Variants in SNX13 observed in about 807,000 individuals in gnomAD.
SNX13 encodes the protein sorting nexin-13.
Under a neutral mutation model 133.6 loss-of-function variants are expected in SNX13, and 45 were observed. The ratio of observed to expected loss-of-function variants is 0.34; its 90% CI spans 0.27 to 0.43. SNX13 has a LOEUF of 0.43. Among genes scored for constraint, SNX13 ranks in the 20% least tolerant of loss-of-function variants. SNX13 has a pLI of 1.00. For missense variants in SNX13, 1,032 were observed against 1,145.1 expected (o/e 0.90, Z 1.43); for synonymous variants, 414 against 373.9 (o/e 1.11, Z -1.24).
At chr7:17,882,924 C>G in intron 5 of SNX13, 4 of 925,184 alleles carry the variant, frequency 4.3e-6, no homozygotes, top group Non-Finnish European at 5.9e-6. Flanking sequence ...GTACTCCAGC[C>G]TGGGCGACAG....
rs528487164 is a variant in SNX13 at position 17,816,042 on chromosome 7, ATT to A, written c.1953+138_1953+139del. 207 of 879,094 alleles carry A rather than the reference ATT, an allele frequency of 2.4e-4. No homozygotes were observed. The African/African-American group carries it at 3.4e-3, about 14-fold the overall frequency. 54.5% of individuals were successfully genotyped at this position (879,094 alleles called of 1,614,324 possible). ...AATTACTAAGCAGACTGCACGTCACATTTGACATGCTGCACAAAAGTGGTTGC... is the reference window on the plus strand; with the variant it reads ...AATTACTAAGCAGACTGCACGTCACATGACATGCTGCACAAAAGTGGTTGC... On this transcript the variant is annotated intron_variant, in intron 19 of 25. Transcript: ENST00000428135.
At chr7:17,825,614 C>T (rs969698005) in intron 17 of SNX13, among the ~76,000 whole-genome samples, 1 of 152,078 alleles carries the variant, frequency 6.6e-6, no homozygotes, top group East Asian at 1.9e-4. Context: ...TCTGCAAACC[C>T]CTATACCTGG....
At chr7:17,913,071 A>C (rs1258104682) in intron 1 of SNX13, among the ~76,000 whole-genome samples, 1 of 152,150 alleles carries the variant, frequency 6.6e-6, no homozygotes, top group East Asian at 1.9e-4. Flanking sequence ...AGAGTGTCTC[A>C]CTAGTTCTGA....
At chr7:17,897,784 T>C (rs1797368633) in intron 1 of SNX13, 1 of 159,196 alleles carries the variant, frequency 6.3e-6, no homozygotes, top group African/African-American at 2.4e-5. Context: ...AAAACATCTG[T>C]ACATTTATAT....
chr7:17,824,991 A>G (rs1287111406), intron 17 of SNX13, among the ~76,000 whole-genome samples: 1 of 151,970 alleles, frequency 6.6e-6, no homozygotes, highest in African/African-American at 2.4e-5. Context: ...TATGGTCTCA[A>G]TATCTTGACC....
At chr7:17,856,497 G>A (rs1341649569) in intron 9 of SNX13, among the ~76,000 whole-genome samples, 1 of 152,032 alleles carries the variant, frequency 6.6e-6, no homozygotes, top group African/African-American at 2.4e-5. Flanking sequence ...AAAAGACATA[G>A]AGCAGCTGAA....
At chr7:17,832,363 T>C in intron 15 of SNX13, 1 of 984,592 alleles carries the variant, frequency 1.0e-6, no homozygotes, top group Non-Finnish European at 1.2e-6. Flanking sequence ...GGATCAAAAA[T>C]TACTTCCACA....
At chr7:17,940,045 G>A (rs867457561) in intron 1 of SNX13, among the ~76,000 whole-genome samples, 2 of 152,206 alleles carry the variant, frequency 1.3e-5, no homozygotes, top group South Asian at 4.1e-4. Flanking sequence ...CAGTGCCAGG[G>A]GCGAGTGGCA....
In SNX13 at chr7:17,925,634, C is replaced by T. The variant is rs545308978; in HGVS notation, c.12+14650G>A. Among the ~76,000 whole-genome samples, 4 of 152,232 alleles carry T rather than the reference C, an allele frequency of 2.6e-5. 1 individual carries two copies. Among genetic ancestry groups the T allele is most frequent in the African/African-American group, 4.8e-5 (2 of 41,524 alleles). On this transcript the variant is annotated intron_variant, in intron 1 of 25. Transcript: ENST00000428135. ...TTCTCAGCCAAGGGCAATTTTGCTC[C>T]CCATGAGACACTTGGCAATGTATGG... is the stretch of plus-strand genomic sequence containing the variant.
chr7:17,826,651 A>T (rs1364578276), intron 16 of SNX13, among the ~76,000 whole-genome samples: 2 of 152,140 alleles, frequency 1.3e-5, no homozygotes, highest in African/African-American at 4.8e-5. Flanking sequence ...CTGATTATTT[A>T]TTAAATGAGG....
intron 1 of SNX13, among the ~76,000 whole-genome samples, chr7:17,921,504 C>T (rs1200286233): frequency 6.6e-6 from 1 of 152,154 alleles, no homozygotes; most frequent in Non-Finnish European, 1.5e-5. Context: ...AGCTGCTTCT[C>T]CTGCAGCTCT....
rs752249161 is a variant in SNX13 at position 17,803,519 on chromosome 7, G to C, written c.2126C>G (p.Ser709Cys). Residue 709 changes from serine (S) to cysteine (C), a missense_variant, in exon 21 of 26, where the codon TCC (serine) becomes TGC (cysteine). Transcript: ENST00000428135. ...SMRNVSNAVK[S>C]LPDSLAEGMT... Reference sequence around the variant, plus strand: ...TCCCTCTGCCAAGCTATCAGGAAGGGATTTAACTGCATTTGAAACATTCCT... The same window carrying C: ...TCCCTCTGCCAAGCTATCAGGAAGGCATTTAACTGCATTTGAAACATTCCT... The C allele has an allele frequency of 6.2e-7, 1 of 1,612,214 alleles. No homozygotes were observed. Among genetic ancestry groups the C allele is most frequent in the East Asian group, 2.2e-5 (1 of 44,806 alleles).
At chr7:17,928,716 G>C (rs1801045037) in intron 1 of SNX13, among the ~76,000 whole-genome samples, 1 of 152,150 alleles carries the variant, frequency 6.6e-6, no homozygotes. Context: ...GATTTTGTAG[G>C]TGTTAAGATA....
intron 16 of SNX13, among the ~76,000 whole-genome samples, chr7:17,828,019 C>T (rs1041992810): frequency 6.6e-6 from 1 of 151,694 alleles, no homozygotes; most frequent in African/African-American, 2.4e-5. Context: ...TAACATTTAA[C>T]ATGCTAAATG....
chr7:17,918,618 G>A (rs550502453), intron 1 of SNX13, among the ~76,000 whole-genome samples: 1 of 152,252 alleles, frequency 6.6e-6, no homozygotes, highest in South Asian at 2.1e-4. Context: ...AGATGTTTGT[G>A]AGGTTATGGA....
chr7:17,893,191 T>C, intron 3 of SNX13, 141 bp downstream of exon 3: 2 of 562,402 alleles, frequency 3.6e-6, no homozygotes, highest in South Asian at 5.4e-5. Context: ...TTTCTAAGTA[T>C]AATTAGACAA....
intron 1 of SNX13, among the ~76,000 whole-genome samples, chr7:17,914,067 G>A (rs531394448): frequency 6.6e-6 from 1 of 151,948 alleles, no homozygotes; most frequent in Admixed American, 6.6e-5. Context: ...CAGAACGTCT[G>A]GAATTGAAAA....
At chr7:17,847,189 C>T (rs1790647211) in intron 11 of SNX13, among the ~76,000 whole-genome samples, 1 of 151,816 alleles carries the variant, frequency 6.6e-6, no homozygotes. Context: ...CTCATTTGCA[C>T]GAGTATATAA....
intron 13 of SNX13, among the ~76,000 whole-genome samples, chr7:17,837,888 C>T (rs1007192832): frequency 3.3e-5 from 5 of 150,896 alleles, no homozygotes; most frequent in Non-Finnish European, 5.9e-5. Context: ...AGTCATTTTG[C>T]TCACTATATG....
Sources: gnomAD v4.1 joint callset for allele counts (sites outside exome capture counted in the v4.1 genomes callset) on GRCh38, gnomAD v4.1.1 for gene constraint, MANE v1.5 for transcripts, NCBI Gene and HGNC (gene_info 2026-07-23, HGNC 2026-07-21) for gene names.